Variants in TNRC6B observed in about 807,000 individuals in gnomAD.
TNRC6B encodes the protein trinucleotide repeat-containing gene 6B protein.
Under a neutral mutation model 203.6 loss-of-function variants are expected in TNRC6B, and 52 were observed. That is an observed-to-expected ratio of 0.26 (90% CI 0.20 to 0.32). The LOEUF is 0.32. Ranked by LOEUF, TNRC6B falls within the 10% of genes least tolerant of loss-of-function variation. TNRC6B has a pLI of 1.00. For missense variants in TNRC6B, 1,923 were observed against 2,286.2 expected (o/e 0.84, Z 3.24); for synonymous variants, 838 against 845.7 (o/e 0.99, Z 0.16).
chr22:40,210,017 CAAAA>C (rs34603156), intron 1 of TNRC6B, among the ~76,000 whole-genome samples: 11 of 132,814 alleles, frequency 8.3e-5, no homozygotes, highest in Admixed American at 1.5e-4. Context: ...GACTCTGTCT[CAAAA>C]AAAAAAAAAA....
chr22:40,047,982 A>G (rs567779688), intron 1 of TNRC6B, among the ~76,000 whole-genome samples: 4 of 152,328 alleles, frequency 2.6e-5, no homozygotes, highest in African/African-American at 9.6e-5. Flanking sequence ...ACAGGACAAT[A>G]AGAAAATGAC....
intron 1 of TNRC6B, among the ~76,000 whole-genome samples, chr22:40,234,760 A>G (rs570112522): frequency 6.6e-6 from 1 of 152,216 alleles, no homozygotes; most frequent in Non-Finnish European, 1.5e-5. Flanking sequence ...TTTTCTTCTT[A>G]TAAGCCACTT....
intron 3 of TNRC6B, among the ~76,000 whole-genome samples, chr22:40,150,513 C>G (rs1008403579): frequency 1.3e-5 from 2 of 152,272 alleles, no homozygotes; most frequent in Admixed American, 1.3e-4. Context: ...TGGAATAACA[C>G]TAAAAACAGC....
chr22:40,168,354 C>T (rs1265131538), intron 4 of TNRC6B, among the ~76,000 whole-genome samples: 1 of 152,116 alleles, frequency 6.6e-6, no homozygotes, highest in Non-Finnish European at 1.5e-5. Flanking sequence ...GGGGGAAACG[C>T]CAATTAAGTG....
intron 1 of TNRC6B, among the ~76,000 whole-genome samples, chr22:40,243,790 G>A (rs1267137332): frequency 3.3e-5 from 5 of 152,020 alleles, no homozygotes; most frequent in Non-Finnish European, 7.4e-5. Context: ...TCACCATGTC[G>A]GCCAGGCCAG....
At chr22:40,235,882 A>G (rs1403715871) in intron 1 of TNRC6B, among the ~76,000 whole-genome samples, 1 of 152,210 alleles carries the variant, frequency 6.6e-6, no homozygotes, top group Non-Finnish European at 1.5e-5. Context: ...CGTGACTTTC[A>G]TAAAGAAAAT....
intron 3 of TNRC6B, among the ~76,000 whole-genome samples, chr22:40,153,250 C>T (rs1248226283): frequency 6.6e-6 from 1 of 152,134 alleles, no homozygotes; most frequent in Non-Finnish European, 1.5e-5. Flanking sequence ...CCACCTGAAT[C>T]AGTGAGTAAA....
chr22:40,106,663 C>CCT, intron 1 of TNRC6B: 2 of 752,034 alleles, frequency 2.7e-6, no homozygotes, highest in Non-Finnish European at 4.9e-6. Context: ...ACTCTACAAT[C>CCT]CTCAGCATGT....
At chr22:40,159,308 C>T (rs1407551516) in intron 4 of TNRC6B, among the ~76,000 whole-genome samples, 1 of 148,108 alleles carries the variant, frequency 6.8e-6, no homozygotes, top group Non-Finnish European at 1.5e-5. Flanking sequence ...ATAAGCTTGT[C>T]AGAAAACATT....
intron 3 of TNRC6B, among the ~76,000 whole-genome samples, chr22:40,139,657 T>C (rs2146336947): frequency 6.6e-6 from 1 of 152,302 alleles, no homozygotes; most frequent in African/African-American, 2.4e-5. Flanking sequence ...TACTCAACAG[T>C]TGATGAATAT....
In TNRC6B at chr22:40,184,804, T is replaced by G. The variant is rs148678735; in HGVS notation, c.5+6664T>G. 1.2e-4 allele frequency among the ~76,000 whole-genome samples: 19 copies of G among 152,218 alleles called. No homozygotes were observed. The East Asian group carries it at 2.5e-3, about 20-fold the overall frequency. ...AATAACACCTGTGTCTCTGCCTGGCTTCTTGTGGGAATGGTGCCACCATTC... is the reference window on the plus strand; with the variant it reads ...AATAACACCTGTGTCTCTGCCTGGCGTCTTGTGGGAATGGTGCCACCATTC... On this transcript the variant is annotated intron_variant, in intron 1 of 22. Coordinates refer to ENST00000454349, the MANE Select transcript of TNRC6B (RefSeq NM_001162501.2).
chr22:40,157,210 C>G (rs1398947246), intron 4 of TNRC6B, among the ~76,000 whole-genome samples: 1 of 152,042 alleles, frequency 6.6e-6, no homozygotes, highest in Non-Finnish European at 1.5e-5. Flanking sequence ...TTCATATGCC[C>G]TTTTAAAGGA....
intron 3 of TNRC6B, among the ~76,000 whole-genome samples, chr22:40,130,382 G>A (rs1422810237): frequency 6.7e-6 from 1 of 148,538 alleles, no homozygotes; most frequent in African/African-American, 2.6e-5. Flanking sequence ...ATTGTAGTTG[G>A]TAGAGTGTAG....
At chr22:40,051,761 A>G (rs2067746627) in intron 1 of TNRC6B, among the ~76,000 whole-genome samples, 2 of 152,256 alleles carry the variant, frequency 1.3e-5, no homozygotes, top group Non-Finnish European at 2.9e-5. Flanking sequence ...TAGATTTTCT[A>G]GTAGCTACAT....
chr22:40,266,653 A>T lies in TNRC6B; in HGVS notation c.2423A>T (p.Glu808Val). 6.2e-7 allele frequency: 1 copy of T among 1,613,094 alleles called. No homozygotes were observed. ...EDCKRSPAWNETGRQPNSWNK... is the reference protein window; with the variant it reads ...EDCKRSPAWNVTGRQPNSWNK... ...TGCAAAAGATCCCCAGCATGGAATG[A>T]GACGGGCCGACAGCCCAATTCCTGG... Residue 808 changes from glutamate to valine, a missense_variant, in exon 5 of 23, where the codon GAG (glutamate) becomes GTG (valine). Physicochemically the swap from Glu to Val is moderately radical, Grantham distance 121. Around this residue, in one of 8 missense-constraint regions of TNRC6B, gnomAD observed 599 missense variants for 656.5 expected, o/e 0.91. Transcript: ENST00000454349.
At chr22:40,066,362 G>A (rs2067893635) in intron 1 of TNRC6B, among the ~76,000 whole-genome samples, 1 of 152,170 alleles carries the variant, frequency 6.6e-6, no homozygotes, top group African/African-American at 2.4e-5. Flanking sequence ...GGAAGCGGAA[G>A]TCTTGCCTTT....
chr22:40,112,338 G>C (rs139890845), intron 1 of TNRC6B, among the ~76,000 whole-genome samples: 1 of 152,166 alleles, frequency 6.6e-6, no homozygotes, highest in African/African-American at 2.4e-5. Flanking sequence ...AGTTCAATCC[G>C]TGAAGCCAAG....
At chr22:40,158,841 G>C (rs1394693325) in intron 4 of TNRC6B, among the ~76,000 whole-genome samples, 7 of 152,046 alleles carry the variant, frequency 4.6e-5, no homozygotes, top group Non-Finnish European at 8.8e-5. Context: ...TTTTGTTTGA[G>C]GCAACAACAA....
At chr22:40,138,455 G>A (rs1231978280) in intron 3 of TNRC6B, among the ~76,000 whole-genome samples, 1 of 152,072 alleles carries the variant, frequency 6.6e-6, no homozygotes. Context: ...TAGTAGAGAC[G>A]GGGTTTCGCT....
Sources: gnomAD v4.1 joint callset for allele counts (sites outside exome capture counted in the v4.1 genomes callset) on GRCh38, gnomAD v4.1.1 for gene constraint, gnomAD v4.1.1 regional missense constraint, MANE v1.5 for transcripts, NCBI Gene and HGNC (gene_info 2026-07-23, HGNC 2026-07-21) for gene names.